Variants in RNF220 observed in about 807,000 individuals in gnomAD.
RNF220 encodes the protein E3 ubiquitin-protein ligase RNF220.
RNF220 carries 7 observed loss-of-function variants against 67.1 expected under a neutral mutation model. The ratio of observed to expected loss-of-function variants is 0.10; its 90% confidence interval spans 0.06 to 0.20. The LOEUF is 0.20. Among genes scored for constraint, RNF220 ranks in the 10% least tolerant of loss-of-function variants. The pLI is 1.00. For missense variants in RNF220, 565 were observed against 740.3 expected, an observed-to-expected ratio of 0.76 and a Z score of 2.75; for synonymous variants, 270 against 283.2, an observed-to-expected ratio of 0.95 and a Z score of 0.47.
intron 3 of RNF220, among the ~76,000 whole-genome samples, chr1:44,614,646 C>A (rs2148430196): frequency 6.6e-6 from 1 of 152,278 alleles, no homozygotes; most frequent in South Asian, 2.1e-4. Context: ...CCTGGCAGGC[C>A]CCTCAGAAGT....
At chr1:44,613,000 A>G (rs774076071) in intron 2 of RNF220, among the ~76,000 whole-genome samples, 21 of 152,164 alleles carry the variant, frequency 1.4e-4, no homozygotes, top group Non-Finnish European at 2.5e-4. Context: ...TTCTAGATTA[A>G]TAGGGCTCCT....
intron 2 of RNF220, among the ~76,000 whole-genome samples, chr1:44,499,862 G>A (rs1657674672): frequency 6.8e-6 from 1 of 146,130 alleles, no homozygotes; most frequent in Admixed American, 6.6e-5. Flanking sequence ...TCTCTACCCT[G>A]CCCGTCAATA....
At chr1:44,539,700 C>CA (rs1463207006) in intron 2 of RNF220, among the ~76,000 whole-genome samples, 1 of 152,142 alleles carries the variant, frequency 6.6e-6, no homozygotes, top group Non-Finnish European at 1.5e-5. Context: ...AAGCTCTCCC[C>CA]AAAATCTCTC....
intron 2 of RNF220, among the ~76,000 whole-genome samples, chr1:44,457,869 T>C (rs1237707816): frequency 1.3e-5 from 2 of 152,160 alleles, no homozygotes; most frequent in Non-Finnish European, 1.5e-5. Context: ...TTGGGTAGAG[T>C]GTCAGGGCCT....
chr1:44,575,431 A>G (rs1159298939), intron 2 of RNF220, among the ~76,000 whole-genome samples: 3 of 152,160 alleles, frequency 2.0e-5, no homozygotes, highest in Non-Finnish European at 4.4e-5. Flanking sequence ...TTGACTCTGT[A>G]TCTTTGCTGT....
chr1:44,417,165 G>A lies in RNF220; in HGVS notation c.625+4443G>A, dbSNP rs2147820092. On this transcript the variant is annotated intron_variant, in intron 2 of 14. Coordinates refer to ENST00000361799, the MANE Select transcript of RNF220 (RefSeq NM_018150.4). The surrounding 1 kb of genome is among the most constrained non-coding windows in gnomAD (Gnocchi z 4.0). ...ACAGATGACCACTGGGAAAGGGTCAGCAAATCGCCAGAAGACCTGGGTCAG... is the reference window on the plus strand; with the variant it reads ...ACAGATGACCACTGGGAAAGGGTCAACAAATCGCCAGAAGACCTGGGTCAG... Among the ~76,000 whole-genome samples, 1 of 152,280 alleles carries A rather than the reference G, an allele frequency of 6.6e-6. No homozygotes were observed. The highest frequency in any genetic ancestry group is 2.1e-4 in the South Asian group (1 of 4,826).
rs1364582275 is a variant in RNF220, at chr1:44,622,684, C to T, written c.759-58C>T. The stretch of plus-strand genomic sequence containing the variant: ...CTTTGGGGTCTTCTTGCTACTCTAC[C>T]GTTGCATGCCCTGGGCAGCAGGTAG... On this transcript the variant is annotated intron_variant, in intron 3 of 14. Coordinates refer to ENST00000361799, the MANE Select transcript of RNF220 (RefSeq NM_018150.4). This position sits in a 1 kb window ranked among gnomAD's most constrained non-coding sequence, Gnocchi z 4.3. 1.2e-5 allele frequency: 18 copies of T among 1,501,130 alleles called. No individual in the cohort carries two copies. In the East Asian group the frequency reaches 1.8e-4, roughly 15 times the overall value. 93.0% of individuals were successfully genotyped at this position (1,501,130 alleles called of 1,614,324 possible). A position where few individuals can be genotyped will look rare whatever the true frequency, so the allele number is the denominator to read the frequency against.
chr1:44,464,006 T>C (rs1387129525), intron 2 of RNF220, among the ~76,000 whole-genome samples: 8 of 152,326 alleles, frequency 5.3e-5, no homozygotes, highest in Admixed American at 3.9e-4. Context: ...ATTGGTTCAG[T>C]TGGCATATCT....
At chr1:44,492,070 C>A (rs1419308382) in intron 2 of RNF220, among the ~76,000 whole-genome samples, 2 of 152,038 alleles carry the variant, frequency 1.3e-5, no homozygotes, top group Non-Finnish European at 2.9e-5. Context: ...GAAGTAAAGT[C>A]AATAATAAAC....
chr1:44,430,328 G>C (rs1458632650), intron 2 of RNF220, among the ~76,000 whole-genome samples: 2 of 151,896 alleles, frequency 1.3e-5, no homozygotes, highest in Non-Finnish European at 2.9e-5. Flanking sequence ...GGAGATGCTG[G>C]AACAGGAAAA....
intron 2 of RNF220, among the ~76,000 whole-genome samples, chr1:44,478,792 C>T (rs1324412877): frequency 2.0e-5 from 3 of 152,062 alleles, no homozygotes; most frequent in Non-Finnish European, 4.4e-5. Context: ...TTCTACTGGG[C>T]AAATGTTGAC....
chr1:44,632,190 G>C (rs905396353), intron 5 of RNF220, 153 bp from the exon 6 acceptor site: 1 of 1,584,740 alleles, frequency 6.3e-7, no homozygotes, highest in African/African-American at 1.3e-5. Flanking sequence ...GGAGCAGAGG[G>C]GCCGGCGGGA....
chr1:44,515,177 T>C (rs1321336547), intron 2 of RNF220, among the ~76,000 whole-genome samples: 7 of 151,988 alleles, frequency 4.6e-5, no homozygotes, highest in African/African-American at 1.7e-4. Flanking sequence ...TTGAAGAAAA[T>C]CTCAGCCCAG....
At chr1:44,424,267 G>C (rs1413998110) in intron 2 of RNF220, among the ~76,000 whole-genome samples, 1 of 152,144 alleles carries the variant, frequency 6.6e-6, no homozygotes, top group East Asian at 1.9e-4. Flanking sequence ...GTGATCTAAG[G>C]ACTGCCTGTT....
At chr1:44,605,939 G>A (rs1479077133) in intron 2 of RNF220, among the ~76,000 whole-genome samples, 2 of 152,166 alleles carry the variant, frequency 1.3e-5, no homozygotes, top group Non-Finnish European at 2.9e-5. Context: ...GTGCACAGCT[G>A]TTCCCAGGAC....
chr1:44,452,123 C>G (rs1652748161), intron 2 of RNF220, among the ~76,000 whole-genome samples: 1 of 152,244 alleles, frequency 6.6e-6, no homozygotes, highest in Non-Finnish European at 1.5e-5. Context: ...CCTTTTCCTA[C>G]TGATTTAAAA....
chr1:44,446,012 T>G (rs1652047156), intron 2 of RNF220, among the ~76,000 whole-genome samples: 1 of 152,240 alleles, frequency 6.6e-6, no homozygotes, highest in Non-Finnish European at 1.5e-5. Context: ...TATTAGACTG[T>G]AAATTCCTTG....
intron 2 of RNF220, among the ~76,000 whole-genome samples, chr1:44,582,670 T>C (rs1665387902): frequency 1.3e-5 from 2 of 150,998 alleles, no homozygotes; most frequent in South Asian, 4.2e-4. Context: ...GGCAGGAGAA[T>C]TGATTGAATC....
At position 44,417,703 on chromosome 1, in the gene RNF220, C is replaced by G. The variant is rs1648705488; in HGVS notation, c.625+4981C>G. 6.6e-6 allele frequency among the ~76,000 whole-genome samples: 1 copy of G among 152,210 alleles called. No homozygotes were observed. The highest frequency in any genetic ancestry group is 1.5e-5 in the Non-Finnish European group (1 of 68,032). On this transcript the variant is annotated intron_variant, in intron 2 of 14. Coordinates refer to ENST00000361799, the MANE Select transcript of RNF220 (RefSeq NM_018150.4). This position sits in a 1 kb window ranked among gnomAD's most constrained non-coding sequence, Gnocchi z 4.0. ...CTGCCGTTTTCTCGCGGCCGCCCGCCAGCCCCTCGCCGCTGCCGGCAGAAG... is the reference window on the plus strand; with the variant it reads ...CTGCCGTTTTCTCGCGGCCGCCCGCGAGCCCCTCGCCGCTGCCGGCAGAAG...
Sources: gnomAD v4.1 joint callset for allele counts (sites outside exome capture counted in the v4.1 genomes callset) on GRCh38, gnomAD v4.1.1 for gene constraint, Gnocchi (gnomAD v3.1) non-coding constraint, MANE v1.5 for transcripts, NCBI Gene and HGNC (gene_info 2026-07-23, HGNC 2026-07-21) for gene names.